PCDHA13: variants seen among roughly 807,000 people sequenced by gnomAD.
PCDHA13 encodes protocadherin alpha 13.
PCDHA13 carries 54 observed loss-of-function variants against 64.8 expected under a neutral mutation model. That is an observed-to-expected ratio of 0.83 (90% CI 0.67 to 1.04). The LOEUF is 1.04. Ranked by LOEUF, PCDHA13 falls within the 50% of genes least tolerant of loss-of-function variation. The pLI, the probability that PCDHA13 is intolerant of heterozygous loss-of-function variation, is 0.00. For synonymous variants in PCDHA13, 587 were observed against 564.4 expected (o/e 1.04, Z -0.57); for missense variants, 1,248 against 1,254.3 (o/e 0.99, Z 0.08).
At chr5:140,952,955 A>G (rs1244776708) in intron 1 of PCDHA13, among the ~76,000 whole-genome samples, 1 of 152,044 alleles carries the variant, frequency 6.6e-6, no homozygotes, top group Non-Finnish European at 1.5e-5. Context: ...AGAAGGGGGA[A>G]GTGATACACA....
At chr5:140,948,764 G>T (rs962710607) in intron 1 of PCDHA13, among the ~76,000 whole-genome samples, 1 of 150,728 alleles carries the variant, frequency 6.6e-6, no homozygotes, top group African/African-American at 2.4e-5. Flanking sequence ...GATTTTTTTC[G>T]AATAGCCAGC....
chr5:141,000,051 C>T (rs1483967510), intron 3 of PCDHA13, among the ~76,000 whole-genome samples: 3 of 152,100 alleles, frequency 2.0e-5, no homozygotes, highest in African/African-American at 7.2e-5. Flanking sequence ...ACACCACTCT[C>T]CCAGCTGCTC....
At chr5:141,008,014 CT>C (rs1268690822) in intron 3 of PCDHA13, among the ~76,000 whole-genome samples, 12 of 152,070 alleles carry the variant, frequency 7.9e-5, no homozygotes, top group African/African-American at 1.7e-4. Flanking sequence ...CTTCTGTTTC[CT>C]TTTTTTTCTT....
At chr5:140,896,033 A>G (rs994719566) in intron 1 of PCDHA13, among the ~76,000 whole-genome samples, 2 of 151,874 alleles carry the variant, frequency 1.3e-5, no homozygotes, top group East Asian at 1.9e-4. Flanking sequence ...CTGGTCTCGA[A>G]CTCCTGACCT....
chr5:140,928,592 T>G (rs781970359), intron 1 of PCDHA13: 1 of 1,614,178 alleles, frequency 6.2e-7, no homozygotes, highest in Non-Finnish European at 8.5e-7. Context: ...TCTGTCCCAG[T>G]GGAAATTGTG....
At chr5:141,002,610 C>T (rs1191320958) in intron 3 of PCDHA13, among the ~76,000 whole-genome samples, 1 of 152,200 alleles carries the variant, frequency 6.6e-6, no homozygotes, top group Non-Finnish European at 1.5e-5. Context: ...ATAAAACAGA[C>T]ACATAACACA....
chr5:141,007,325 C>T (rs1303133451), intron 3 of PCDHA13, among the ~76,000 whole-genome samples: 1 of 145,322 alleles, frequency 6.9e-6, no homozygotes, highest in Non-Finnish European at 1.5e-5. Flanking sequence ...CTAAAGTGGA[C>T]AGATTGCCTG....
chr5:141,000,223 G>C (rs1190945878), intron 3 of PCDHA13, among the ~76,000 whole-genome samples: 1 of 151,642 alleles, frequency 6.6e-6, no homozygotes, highest in African/African-American at 2.4e-5. Context: ...AAATGCCTGT[G>C]TGGAGCTGAA....
Position 140,993,501 on chromosome 5 carries a change from C to T in PCDHA13, c.2542+10938C>T, listed in dbSNP as rs560043353. Among the ~76,000 whole-genome samples, 25 of 149,100 alleles carry T rather than the reference C, an allele frequency of 1.7e-4. No homozygotes were observed. The East Asian group carries it at 3.5e-3, about 21-fold the overall frequency. ...ACACACACACACACACACACACACA[C>T]ACACACACGGGGAGAGAGAGACAGA... On this transcript the variant is annotated intron_variant, in intron 3 of 3. Transcript: ENST00000289272.
At chr5:140,925,969 A>C (rs2082842050) in intron 1 of PCDHA13, among the ~76,000 whole-genome samples, 1 of 152,172 alleles carries the variant, frequency 6.6e-6, no homozygotes, top group African/African-American at 2.4e-5. Context: ...TCACGCAAAA[A>C]AAAAGCCTTG....
intron 1 of PCDHA13, among the ~76,000 whole-genome samples, chr5:140,900,283 C>A (rs1325528461): frequency 6.6e-6 from 1 of 151,666 alleles, no homozygotes; most frequent in Non-Finnish European, 1.5e-5. Flanking sequence ...ACCACACTTT[C>A]TTTTCTGTTT....
chr5:140,931,914 A>G (rs1374173998), intron 1 of PCDHA13, among the ~76,000 whole-genome samples: 2 of 151,960 alleles, frequency 1.3e-5, no homozygotes, highest in Non-Finnish European at 2.9e-5. Context: ...AAAGCATGAC[A>G]TTTAACAATG....
chr5:140,958,135 G>A (rs868969031), intron 1 of PCDHA13, among the ~76,000 whole-genome samples: 1 of 152,036 alleles, frequency 6.6e-6, no homozygotes, highest in Non-Finnish European at 1.5e-5. Flanking sequence ...GTATCAGTGT[G>A]TATATTTATA....
chr5:140,884,555 G>C lies in PCDHA13; in HGVS notation c.2287G>C (p.Gly763Arg). 6.2e-7 allele frequency: 1 copy of C among 1,614,098 alleles called. No homozygotes were observed. Among genetic ancestry groups the C allele is most frequent in the Non-Finnish European group, 8.5e-7 (1 of 1,180,020 alleles). ...QRRPRVCSGE[G>R]PHKTDLMAFS... ...GCGGCCGAGGGTGTGCTCTGGGGAG[G>C]GCCCGCATAAGACGGACCTCATGGC... Residue 763 changes from glycine to arginine, a missense_variant, in exon 1 of 4, where the codon GGC (glycine) becomes CGC (arginine). Transcript: ENST00000289272.
intron 1 of PCDHA13, among the ~76,000 whole-genome samples, chr5:140,939,502 T>A (rs781895675): frequency 2.7e-5 from 4 of 150,818 alleles, no homozygotes; most frequent in Non-Finnish European, 5.9e-5. Flanking sequence ...AAATTCAATG[T>A]CTATAACATT....
At chr5:140,907,582 G>C (rs978225789) in intron 1 of PCDHA13, among the ~76,000 whole-genome samples, 8 of 152,190 alleles carry the variant, frequency 5.3e-5, no homozygotes, top group African/African-American at 1.9e-4. Context: ...CAGGTAGCTG[G>C]CTGATCACCC....
chr5:140,995,449 A>G (rs1279825778), intron 3 of PCDHA13, among the ~76,000 whole-genome samples: 18 of 152,120 alleles, frequency 1.2e-4, no homozygotes, highest in African/African-American at 3.9e-4. Flanking sequence ...AAACTTATGA[A>G]TTGTTTATTT....
At chr5:140,966,642 G>C (rs897727830) in intron 1 of PCDHA13, 15 of 1,117,790 alleles carry the variant, frequency 1.3e-5, no homozygotes, top group Non-Finnish European at 1.8e-5. Context: ...GCGCTTTCTA[G>C]AGCGTGAGCG....
rs782797002 is a variant in PCDHA13, at chr5:140,883,162, C to A, written c.894C>A (p.Asn298Lys). The A allele has an allele frequency of 5.0e-6, 8 of 1,613,690 alleles. No homozygotes were observed. The highest frequency in any genetic ancestry group is 5.1e-6 in the Non-Finnish European group (6 of 1,180,010). The change falls in exon 1 of 4, where the codon AAC (asparagine) becomes AAA (lysine). Residue 298 changes from asparagine to lysine, a missense_variant. By Grantham distance (94) the Asn-to-Lys change is moderately conservative (BLOSUM62 0). Coordinates refer to ENST00000289272, the MANE Select transcript of PCDHA13 (RefSeq NM_018904.3). ...TATATGCATTTACCATAAATCCGAA[C>A]AATGGAGAAATTAGGACAAAAGGCA... ...AVVYAFTINP[N>K]NGEIRTKGKL... is the part of the protein sequence containing the mutation.
Sources: gnomAD v4.1 joint callset for allele counts (sites outside exome capture counted in the v4.1 genomes callset) on GRCh38, gnomAD v4.1.1 for gene constraint, MANE v1.5 for transcripts, NCBI Gene and HGNC (gene_info 2026-07-23, HGNC 2026-07-21) for gene names.